MKLN1: variants seen among roughly 807,000 people sequenced by gnomAD.
The protein encoded by MKLN1 is muskelin.
In MKLN1, 18 loss-of-function variants were observed where a neutral mutation model predicts 99.0. The observed-to-expected ratio is 0.18, with a 90% CI of 0.13 to 0.27. MKLN1 has a LOEUF of 0.27. Ranked by LOEUF, MKLN1 falls within the 10% of genes least tolerant of loss-of-function variation. The probability of loss-of-function intolerance (pLI) is 1.00; values close to 1 mark genes in which losing one functional copy is unlikely to be tolerated. For missense variants in MKLN1, 621 were observed against 875.9 expected, an observed-to-expected ratio of 0.71 and a Z score of 3.67; for synonymous variants, 288 against 293.2, an observed-to-expected ratio of 0.98 and a Z score of 0.18.
chr7:131,449,802 T>G (rs569663762), intron 12 of MKLN1, among the ~76,000 whole-genome samples: 4 of 152,238 alleles, frequency 2.6e-5, no homozygotes, highest in Non-Finnish European at 5.9e-5. Context: ...GTTCTAGCTC[T>G]CCGGAGTCTA....
intron 3 of MKLN1, among the ~76,000 whole-genome samples, chr7:131,298,054 C>G (rs1217197189): frequency 6.6e-6 from 1 of 152,090 alleles, no homozygotes; most frequent in Non-Finnish European, 1.5e-5. Flanking sequence ...GAGGCTGAGG[C>G]GGATGGATCA....
chr7:131,375,842 T>TTATACTTAA (rs1793630062), intron 2 of MKLN1, among the ~76,000 whole-genome samples: 3 of 149,866 alleles, frequency 2.0e-5, no homozygotes, highest in Admixed American at 2.0e-4. Flanking sequence ...TATTATAATA[T>TTATACTTAA]TATTATACTT....
chr7:131,317,668 A>T (rs1216940138), intron 3 of MKLN1, among the ~76,000 whole-genome samples: 1 of 151,226 alleles, frequency 6.6e-6, no homozygotes, highest in African/African-American at 2.4e-5. Flanking sequence ...GGCAAATTGG[A>T]TAGAGTCAAG....
intron 2 of MKLN1, among the ~76,000 whole-genome samples, chr7:131,143,525 T>C (rs775108000): frequency 1.4e-4 from 22 of 151,770 alleles, no homozygotes; most frequent in Non-Finnish European, 4.4e-5. Context: ...TGACTTCACA[T>C]AGAGAAAAGT....
chr7:131,248,214 A>G (rs1797524511), intron 3 of MKLN1, among the ~76,000 whole-genome samples: 1 of 151,952 alleles, frequency 6.6e-6, no homozygotes, highest in Non-Finnish European at 1.5e-5. Context: ...ACGTGAGAAG[A>G]AAAAAAAGAA....
At chr7:131,243,855 A>G (rs150112889) in intron 3 of MKLN1, among the ~76,000 whole-genome samples, 417 of 152,264 alleles carry the variant, frequency 2.7e-3, no homozygotes, top group Non-Finnish European at 4.7e-3. Flanking sequence ...CTCTACTAAA[A>G]ATACAAAAAA....
intron 2 of MKLN1, among the ~76,000 whole-genome samples, chr7:131,162,698 T>A (rs1796072610): frequency 6.6e-6 from 1 of 152,200 alleles, no homozygotes; most frequent in Admixed American, 6.5e-5. Context: ...CCGAAATACT[T>A]GTGGTCCCAA....
At chr7:131,278,812 C>T (rs1023565285) in intron 3 of MKLN1, among the ~76,000 whole-genome samples, 7 of 151,746 alleles carry the variant, frequency 4.6e-5, no homozygotes, top group Non-Finnish European at 1.0e-4. Flanking sequence ...GTTGCCCAGG[C>T]TGGTCTCGAA....
At chr7:131,300,750 A>G (rs1052587443) in intron 3 of MKLN1, among the ~76,000 whole-genome samples, 6 of 151,678 alleles carry the variant, frequency 4.0e-5, no homozygotes, top group Non-Finnish European at 8.8e-5. Flanking sequence ...CGTGGCATTC[A>G]TACCACCATC....
chr7:131,298,872 A>G (rs1274574256), intron 3 of MKLN1, among the ~76,000 whole-genome samples: 3 of 152,196 alleles, frequency 2.0e-5, no homozygotes, highest in Admixed American at 6.5e-5. Flanking sequence ...ATCAAGCGAA[A>G]TACTGAATCT....
At chr7:131,211,306 T>A (rs1796903062) in intron 3 of MKLN1, among the ~76,000 whole-genome samples, 1 of 152,190 alleles carries the variant, frequency 6.6e-6, no homozygotes, top group African/African-American at 2.4e-5. Flanking sequence ...AAATACTTTA[T>A]TATATGCAGG....
At chr7:131,327,746 G>A (rs1256192507), upstream of MKLN1, 3 of 1,347,812 alleles carry the variant, frequency 2.2e-6, no homozygotes, top group South Asian at 3.1e-5. Flanking sequence ...CCCTGAGATA[G>A]GACATTGGCC....
At position 131,383,100 on chromosome 7, in the gene MKLN1, A is replaced by G. The variant is rs569729880; in HGVS notation, c.169-4020A>G. On this transcript the variant is annotated intron_variant, in intron 2 of 17. Coordinates refer to ENST00000352689, the MANE Select transcript of MKLN1 (RefSeq NM_013255.5). The stretch of plus-strand genomic sequence containing the variant: ...GTTTGAAGTTTTCTGAGAATTTCTA[A>G]TCCTGAATGGATATTGAATTTTGTT... 3.3e-5 allele frequency among the ~76,000 whole-genome samples: 5 copies of G among 152,242 alleles called. No individual in the cohort carries two copies. In the East Asian group the frequency reaches 9.6e-4, roughly 29 times the overall value.
intron 3 of MKLN1, among the ~76,000 whole-genome samples, chr7:131,239,776 A>T (rs1451075000): frequency 6.6e-6 from 1 of 152,028 alleles, no homozygotes; most frequent in East Asian, 1.9e-4. Context: ...GATTGCTTAA[A>T]GCCAGGAGTT....
intron 3 of MKLN1, among the ~76,000 whole-genome samples, chr7:131,250,205 T>C (rs553435591): frequency 6.6e-6 from 1 of 152,030 alleles, no homozygotes; most frequent in Non-Finnish European, 1.5e-5. Context: ...GGGCTTCAGC[T>C]TTGGTGGCTG....
chr7:131,269,365 G>T (rs531914923), intron 3 of MKLN1, among the ~76,000 whole-genome samples: 2 of 152,248 alleles, frequency 1.3e-5, no homozygotes, highest in East Asian at 3.9e-4. Context: ...GTTCATAGAG[G>T]GCGTCTTCTT....
chr7:131,474,565 T>G (rs1285065645), intron 16 of MKLN1, among the ~76,000 whole-genome samples: 1 of 152,200 alleles, frequency 6.6e-6, no homozygotes, highest in African/African-American at 2.4e-5. Context: ...AGTTTTCTCC[T>G]TATCCTATAT....
rs938489719 is a variant in MKLN1, at chr7:131,353,120, C to G, written c.99-22304C>G. 3.9e-5 allele frequency among the ~76,000 whole-genome samples: 6 copies of G among 152,170 alleles called. No homozygotes were observed. The East Asian group carries it at 5.8e-4, about 15-fold the overall frequency. The stretch of plus-strand genomic sequence containing the variant: ...TGTTTGAACATAGGTTTTTGTTTCC[C>G]TAGGAAAAATGCCGAAGAGTCCAAT... On this transcript the variant is annotated intron_variant, in intron 1 of 17. Coordinates refer to ENST00000352689, the MANE Select transcript of MKLN1 (RefSeq NM_013255.5).
chr7:131,213,156 C>T (rs12533588), intron 3 of MKLN1, among the ~76,000 whole-genome samples: 27,524 of 151,726 alleles, frequency 0.18, 2,922 homozygotes, highest in Non-Finnish European at 0.25. Flanking sequence ...CATATATATA[C>T]ATAAACAATA....
Sources: allele counts gnomAD v4.1 joint callset (sites outside exome capture counted in the v4.1 genomes callset), GRCh38; gene constraint gnomAD v4.1.1; transcripts MANE v1.5; gene names NCBI Gene and HGNC (gene_info 2026-07-23, HGNC 2026-07-21).